Variants in RGS22 observed in about 807,000 individuals in gnomAD.
RGS22 encodes regulator of G-protein signaling 22.
RGS22 carries 148 observed loss-of-function variants against 172.9 expected under a neutral mutation model. That is an observed-to-expected ratio of 0.86 (90% CI 0.75 to 0.98). RGS22 has a LOEUF of 0.98. Ranked by LOEUF, RGS22 falls within the 50% of genes least tolerant of loss-of-function variation. The pLI is 0.00. For missense variants in RGS22, 1,347 were observed against 1,440.8 expected (o/e 0.93, Z 1.05); for synonymous variants, 458 against 480.2 (o/e 0.95, Z 0.60).
At chr8:99,972,378 A>G (rs1811455654) in intron 23 of RGS22, among the ~76,000 whole-genome samples, 1 of 152,232 alleles carries the variant, frequency 6.6e-6, no homozygotes, top group Non-Finnish European at 1.5e-5. Flanking sequence ...AAGCAACTGC[A>G]ACAAAAGCCA....
chr8:100,047,218 TCTC>T (rs1286819726), intron 11 of RGS22, among the ~76,000 whole-genome samples: 4 of 152,142 alleles, frequency 2.6e-5, no homozygotes, highest in African/African-American at 9.7e-5. Context: ...AGGGCAATCT[TCTC>T]AGAGAAGTCT....
chr8:100,073,435 A>C lies in RGS22; in HGVS notation c.340-1205T>G, dbSNP rs572993352. The stretch of plus-strand genomic sequence containing the variant: ...TAATCAGCAAAAAACAAAACAAAAA[A>C]AAAAAACAAAAAAAACATGTATTTG... On this transcript the variant is annotated intron_variant, in intron 4 of 27. Coordinates refer to ENST00000360863, the MANE Select transcript of RGS22 (RefSeq NM_015668.5). Among the ~76,000 whole-genome samples, 431 of 149,476 alleles carry C rather than the reference A, an allele frequency of 2.9e-3. 4 individuals are homozygous for C. Among genetic ancestry groups the C allele is most frequent in the African/African-American group, 9.9e-3 (403 of 40,880 alleles).
chr8:100,006,184 T>C (rs1028092720), intron 15 of RGS22, 75 bp from the exon 16 acceptor site: 6 of 1,143,530 alleles, frequency 5.2e-6, no homozygotes, highest in East Asian at 4.8e-5. Flanking sequence ...GAAAAACAAA[T>C]ACAGTTGCCA....
chr8:100,018,067 TG>T (rs1271513735), intron 14 of RGS22, among the ~76,000 whole-genome samples: 1 of 152,180 alleles, frequency 6.6e-6, no homozygotes, highest in Non-Finnish European at 1.5e-5. Flanking sequence ...GTGATCAAAC[TG>T]CCTGGCACTG....
chr8:100,085,932 G>C (rs561500064), intron 3 of RGS22, among the ~76,000 whole-genome samples: 5 of 152,246 alleles, frequency 3.3e-5, no homozygotes, highest in Admixed American at 6.5e-5. Flanking sequence ...GTTTAACACA[G>C]AACAAGCACA....
chr8:100,085,126 C>A (rs1307634273), intron 3 of RGS22, among the ~76,000 whole-genome samples: 1 of 152,050 alleles, frequency 6.6e-6, no homozygotes, highest in Non-Finnish European at 1.5e-5. Flanking sequence ...CTAGATAAAC[C>A]GAAGGTGCTT....
chr8:100,105,353 G>C, intron 2 of RGS22, 21 bp downstream of exon 2: 1 of 1,593,086 alleles, frequency 6.3e-7, no homozygotes, highest in Non-Finnish European at 8.6e-7. Context: ...GAAAAAAATA[G>C]CCCCTTGAAA....
intron 14 of RGS22, among the ~76,000 whole-genome samples, chr8:100,030,067 T>C (rs1419202912): frequency 1.3e-5 from 2 of 152,100 alleles, no homozygotes; most frequent in Non-Finnish European, 2.9e-5. Context: ...GGGTTAAGAG[T>C]GACATGAAAT....
chr8:100,099,674 A>T (rs1431215257), intron 2 of RGS22, among the ~76,000 whole-genome samples: 1 of 152,226 alleles, frequency 6.6e-6, no homozygotes, highest in Non-Finnish European at 1.5e-5. Context: ...AGTTCCAAAA[A>T]AGCATCAGAG....
intron 13 of RGS22, among the ~76,000 whole-genome samples, chr8:100,039,252 A>G (rs1336086929): frequency 2.0e-5 from 3 of 152,104 alleles, no homozygotes; most frequent in African/African-American, 7.2e-5. Context: ...CCTCTCACAT[A>G]ATTAGTCATT....
intron 21 of RGS22, 118 bp downstream of exon 21, chr8:99,987,340 A>G: frequency 1.5e-6 from 1 of 657,704 alleles, no homozygotes; most frequent in Non-Finnish European, 2.5e-6. Flanking sequence ...GGTAGGAAGA[A>G]GATAGCAAAA....
At chr8:100,071,241 T>A in intron 6 of RGS22, 128 bp downstream of exon 6, 1 of 767,866 alleles carries the variant, frequency 1.3e-6, no homozygotes, top group Non-Finnish European at 1.9e-6. Flanking sequence ...TGAGCCATGA[T>A]CATATCACTG....
intron 6 of RGS22, among the ~76,000 whole-genome samples, chr8:100,067,422 C>T (rs560229967): frequency 2.6e-5 from 4 of 152,054 alleles, no homozygotes; most frequent in South Asian, 2.1e-4. Flanking sequence ...ATATAATTAT[C>T]GAGTGACTAC....
Position 100,063,431 on chromosome 8 carries a change from G to A in RGS22, c.1337C>T (p.Pro446Leu), listed in dbSNP as rs778878247. The part of the protein sequence containing the change: ...DIERLKVLKD[P>L]GRHQRHLEKM... The stretch of plus-strand genomic sequence containing the variant: ...ATAGAATTACCTTTGATGTCTTCCA[G>A]GATCCTTAAGAACTTTTAACCTCTC... The change falls in exon 8 of 28, where the codon CCT (proline) becomes CTT (leucine). Residue 446 changes from proline to leucine, a missense_variant. Coordinates refer to ENST00000360863, the MANE Select transcript of RGS22 (RefSeq NM_015668.5). 3.0e-5 allele frequency: 48 copies of A among 1,578,668 alleles called. No homozygotes were observed. The highest frequency in any genetic ancestry group is 3.8e-5 in the Non-Finnish European group (44 of 1,164,974).
At chr8:100,053,641 A>G (rs1423986893) in intron 9 of RGS22, among the ~76,000 whole-genome samples, 1 of 152,170 alleles carries the variant, frequency 6.6e-6, no homozygotes, top group African/African-American at 2.4e-5. Flanking sequence ...AAAACATACA[A>G]ACTTTTTTTT....
At chr8:100,084,505 T>TA (rs952065201) in intron 3 of RGS22, among the ~76,000 whole-genome samples, 2 of 152,292 alleles carry the variant, frequency 1.3e-5, no homozygotes, top group East Asian at 3.9e-4. Flanking sequence ...CTATTTATTA[T>TA]AAAAAAAGAA....
At chr8:100,077,662 C>A (rs987055696) in intron 4 of RGS22, among the ~76,000 whole-genome samples, 5 of 151,992 alleles carry the variant, frequency 3.3e-5, no homozygotes, top group Non-Finnish European at 7.4e-5. Flanking sequence ...GGTAAATATT[C>A]CCAGTGCACT....
chr8:100,104,329 C>CGTGCGT (rs1554642608), intron 2 of RGS22, among the ~76,000 whole-genome samples: 5 of 140,358 alleles, frequency 3.6e-5, no homozygotes, highest in Non-Finnish European at 7.6e-5. Flanking sequence ...AAAATATGTG[C>CGTGCGT]GTGTGTGTGT....
chr8:100,080,035 A>C, intron 4 of RGS22, 99 bp downstream of exon 4: 1 of 816,204 alleles, frequency 1.2e-6, no homozygotes, highest in East Asian at 2.5e-5. Context: ...CAAGCTAATA[A>C]ATGTAGCTAC....
Sources: allele counts gnomAD v4.1 joint callset (sites outside exome capture counted in the v4.1 genomes callset), GRCh38; gene constraint gnomAD v4.1.1; transcripts MANE v1.5; gene names NCBI Gene and HGNC (gene_info 2026-07-23, HGNC 2026-07-21).